The following COL21A1 variants were observed in gnomAD, a reference collection of about 807,000 sequenced individuals.
COL21A1 encodes the protein collagen type XXI alpha 1 chain.
In COL21A1, 149 loss-of-function variants were observed where a neutral mutation model predicts 137.9. The ratio of observed to expected loss-of-function variants is 1.08; its 90% CI spans 0.95 to 1.24. COL21A1 has a LOEUF of 1.24. COL21A1 is among the 50% of genes most tolerant of loss of function. COL21A1 has a pLI of 0.00. For missense variants in COL21A1, 1,167 were observed against 1,158.4 expected (o/e 1.01, Z -0.11); for synonymous variants, 456 against 391.5 (o/e 1.16, Z -1.95).
rs1373867354 is a variant in COL21A1 at position 56,164,454 on chromosome 6, G to C, written c.1340C>G (p.Pro447Arg). Residue 447 changes from proline to arginine, a missense_variant, in exon 9 of 30, where the codon CCT becomes CGT. Physicochemically the swap from Pro to Arg is moderately radical, Grantham distance 103 (BLOSUM62 -2). Transcript: ENST00000244728. ...VGSTPAPCIC[P>R]PGKPGLQGPK... The stretch of plus-strand genomic sequence containing the variant: ...GCCTTGAAGTCCTGGTTTTCCCGGA[G>C]GACAAATACAGGGAGCTGGAGTTGA... 3 of 1,590,052 alleles carry C rather than the reference G, an allele frequency of 1.9e-6. No individual in the cohort carries two copies. The highest frequency in any genetic ancestry group is 2.6e-6 in the Non-Finnish European group (3 of 1,167,234).
At chr6:56,158,003 G>C (rs992895132) in intron 9 of COL21A1, among the ~76,000 whole-genome samples, 1 of 152,124 alleles carries the variant, frequency 6.6e-6, no homozygotes, top group Non-Finnish European at 1.5e-5. Context: ...TTGCCCAATG[G>C]CCAGTACTGA....
chr6:56,377,623 G>A (rs1183841035), intron 1 of COL21A1, among the ~76,000 whole-genome samples: 1 of 152,048 alleles, frequency 6.6e-6, no homozygotes, highest in Non-Finnish European at 1.5e-5. Flanking sequence ...CACTCTGGGG[G>A]TCTAAATAAA....
intron 1 of COL21A1, among the ~76,000 whole-genome samples, chr6:56,351,527 G>A (rs1765710938): frequency 1.3e-5 from 2 of 152,194 alleles, no homozygotes; most frequent in Admixed American, 6.5e-5. Flanking sequence ...TCAGAGAGGA[G>A]AGACTTTGGA....
At chr6:56,362,802 C>T (rs1015467496) in intron 1 of COL21A1, among the ~76,000 whole-genome samples, 13 of 152,192 alleles carry the variant, frequency 8.5e-5, no homozygotes, top group Admixed American at 7.9e-4. Flanking sequence ...TCTCTTGTTG[C>T]TGTGCAAGTC....
At chr6:56,199,125 A>G (rs1208260624) in intron 1 of COL21A1, among the ~76,000 whole-genome samples, 1 of 151,976 alleles carries the variant, frequency 6.6e-6, no homozygotes, top group Non-Finnish European at 1.5e-5. Context: ...TGTATCCAGA[A>G]CTGCTTAAAG....
intron 1 of COL21A1, among the ~76,000 whole-genome samples, chr6:56,216,985 A>C (rs1561994196): frequency 6.6e-6 from 1 of 152,202 alleles, no homozygotes; most frequent in East Asian, 1.9e-4. Context: ...GTATTAAGCA[A>C]ACACATTCAG....
In COL21A1 at chr6:56,109,996, G is replaced by A. The variant is rs181787934; in HGVS notation, c.1759-8471C>T. Among the ~76,000 whole-genome samples the A allele has an allele frequency of 6.8e-3, 1,033 of 152,020 alleles. 6 individuals are homozygous for A. Among genetic ancestry groups the A allele is most frequent in the Middle Eastern group, 0.02 (6 of 294 alleles). On this transcript the variant is annotated intron_variant, in intron 16 of 29. Transcript: ENST00000244728. Reference sequence around the variant, plus strand: ...CTTTTAGAAAAGAAAAGCCAGTATTGTTTTGATATTAAAGCTGGACAAAAA... The same window carrying A: ...CTTTTAGAAAAGAAAAGCCAGTATTATTTTGATATTAAAGCTGGACAAAAA...
chr6:56,148,369 A>AGAGAGAGAGAGAG (rs67984339), intron 10 of COL21A1, among the ~76,000 whole-genome samples: 1 of 145,234 alleles, frequency 6.9e-6, no homozygotes, highest in African/African-American at 2.8e-5. Context: ...AGAGAGAGAG[A>AGAGAGAGAGAGAG]AACACATAAA....
Position 56,141,513 on chromosome 6 carries a change from A to C in COL21A1, c.1542+272T>G, listed in dbSNP as rs2152236759. 2.0e-5 allele frequency among the ~76,000 whole-genome samples: 3 copies of C among 152,296 alleles called. No individual in the cohort carries two copies. In the South Asian group the frequency reaches 6.2e-4, roughly 32 times the overall value. ...TCACATAACCCACTCCCCTCTAAGA[A>C]GGTAACTCCCTGTGGAGCTTAACCA... On this transcript the variant is annotated intron_variant, in intron 12 of 29. Coordinates refer to ENST00000244728, the MANE Select transcript of COL21A1 (RefSeq NM_030820.4).
rs760439864 is a variant in COL21A1 at position 56,077,548 on chromosome 6, C to T, written c.1838G>A (p.Arg613Gln). Residue 613 changes from arginine to glutamine, a missense_variant, in exon 18 of 30, where the codon CGA becomes CAA. Coordinates refer to ENST00000244728, the MANE Select transcript of COL21A1 (RefSeq NM_030820.4). ...EPGIPGFPGN[R>Q]GLMGQKGEIG... ...ACTTACCTTTTGGCCCATTAATCCT[C>T]GGTTTCCAGGAAATCCTGGGATTCC... 2.2e-5 allele frequency: 34 copies of T among 1,577,716 alleles called. 1 individual carries two copies. The South Asian group carries it at 2.9e-4, about 14-fold the overall frequency.
At chr6:56,335,073 G>GTT (rs1395721012) in intron 1 of COL21A1, among the ~76,000 whole-genome samples, 1 of 151,216 alleles carries the variant, frequency 6.6e-6, no homozygotes, top group African/African-American at 2.4e-5. Flanking sequence ...AGAATGGATT[G>GTT]GTTTTTTTTG....
chr6:56,060,707 GA>G (rs759526848), intron 27 of COL21A1, 33 bp downstream of exon 27: 1 of 1,542,954 alleles, frequency 6.5e-7, no homozygotes, highest in Non-Finnish European at 8.8e-7. Context: ...TGTAATTTGA[GA>G]AAAGTTATTA....
chr6:56,333,421 G>A (rs980392829), intron 1 of COL21A1, among the ~76,000 whole-genome samples: 3 of 151,798 alleles, frequency 2.0e-5, no homozygotes, highest in Non-Finnish European at 1.5e-5. Context: ...CCTCTGATCA[G>A]CATAATTATT....
At chr6:56,363,141 A>G (rs1766013402) in intron 1 of COL21A1, among the ~76,000 whole-genome samples, 2 of 152,188 alleles carry the variant, frequency 1.3e-5, no homozygotes, top group Admixed American at 1.3e-4. Context: ...GGAGAGACAA[A>G]TTGTCCTCTC....
In COL21A1 at chr6:56,313,913, T is replaced by TG. The variant is rs551344869; in HGVS notation, c.-39+80057dup. ...AAGACTCCTGTAGTTCCTCTTCACTTGCGTCTGCTCCATTCAGTCTGTTTT... is the reference window on the plus strand; with the variant it reads ...AAGACTCCTGTAGTTCCTCTTCACTTGGCGTCTGCTCCATTCAGTCTGTTTT... On this transcript the variant is annotated intron_variant, in intron 1 of 28. Transcript: ENST00000370819. 1.2e-4 allele frequency among the ~76,000 whole-genome samples: 18 copies of TG among 152,316 alleles called. No individual in the cohort carries two copies. In the East Asian group the frequency reaches 3.3e-3, roughly 28 times the overall value.
chr6:56,181,395 TTTTG>T (rs1465756013), intron 2 of COL21A1, among the ~76,000 whole-genome samples: 2 of 147,622 alleles, frequency 1.4e-5, no homozygotes, highest in African/African-American at 5.2e-5. Flanking sequence ...GTTTTTTGTT[TTTTG>T]TTTTTTTTTT....
chr6:56,230,344 A>G (rs1781478808), intron 1 of COL21A1, among the ~76,000 whole-genome samples: 1 of 151,934 alleles, frequency 6.6e-6, no homozygotes. Context: ...CAGTCAAGAA[A>G]TATCATAAAG....
At chr6:56,364,227 C>T (rs965873526) in intron 1 of COL21A1, among the ~76,000 whole-genome samples, 2 of 151,976 alleles carry the variant, frequency 1.3e-5, no homozygotes, top group African/African-American at 2.4e-5. Context: ...ACCATCGAGA[C>T]AGTACTAATG....
chr6:56,242,313 C>G (rs115063679), intron 1 of COL21A1, among the ~76,000 whole-genome samples: 1 of 152,012 alleles, frequency 6.6e-6, no homozygotes, highest in South Asian at 2.1e-4. Flanking sequence ...TACTCCATTA[C>G]GTAATTAATG....
Sources: allele counts gnomAD v4.1 joint callset (sites outside exome capture counted in the v4.1 genomes callset), GRCh38; gene constraint gnomAD v4.1.1; transcripts MANE v1.5; gene names NCBI Gene and HGNC (gene_info 2026-07-23, HGNC 2026-07-21).